Variants in KCNH5 observed in about 807,000 individuals in gnomAD.
KCNH5 encodes voltage-gated delayed rectifier potassium channel KCNH5.
A neutral mutation model predicts 96.1 loss-of-function variants in KCNH5; 46 were observed. The observed-to-expected ratio is 0.48, with a 90% CI of 0.38 to 0.61. KCNH5 has a LOEUF of 0.61. KCNH5 is among the 20% of genes least tolerant of loss of function. KCNH5 has a pLI of 0.00. For missense variants in KCNH5, 907 were observed against 1,225.8 expected (o/e 0.74, Z 3.88); for synonymous variants, 439 against 449.8 (o/e 0.98, Z 0.30).
intron 9 of KCNH5, among the ~76,000 whole-genome samples, chr14:62,790,440 G>A (rs1300775298): frequency 6.6e-6 from 1 of 151,758 alleles, no homozygotes; most frequent in Non-Finnish European, 1.5e-5. Context: ...CTTTAAAAAT[G>A]TCACTGGAAT....
chr14:62,854,627 C>T (rs1887894509), intron 7 of KCNH5, among the ~76,000 whole-genome samples: 1 of 151,936 alleles, frequency 6.6e-6, no homozygotes, highest in African/African-American at 2.4e-5. Context: ...AATCCATGTA[C>T]TTTACTGTTA....
At chr14:62,982,608 A>C (rs890772188) in intron 5 of KCNH5, among the ~76,000 whole-genome samples, 4 of 152,230 alleles carry the variant, frequency 2.6e-5, no homozygotes, top group Non-Finnish European at 5.9e-5. Flanking sequence ...TGTAACTCTG[A>C]GTTATAATAT....
At chr14:62,711,934 C>G (rs1884578080) in intron 10 of KCNH5, among the ~76,000 whole-genome samples, 2 of 152,190 alleles carry the variant, frequency 1.3e-5, no homozygotes, top group African/African-American at 4.8e-5. Context: ...GCTCAAAAGC[C>G]AACACTCTGA....
chr14:62,867,921 C>A (rs1339710224), intron 7 of KCNH5, among the ~76,000 whole-genome samples: 2 of 152,220 alleles, frequency 1.3e-5, no homozygotes, highest in African/African-American at 4.8e-5. Flanking sequence ...ATGCCATGCA[C>A]ATAACCTGCT....
At chr14:62,750,826 G>C (rs1885482235) in intron 10 of KCNH5, among the ~76,000 whole-genome samples, 1 of 152,184 alleles carries the variant, frequency 6.6e-6, no homozygotes, top group African/African-American at 2.4e-5. Flanking sequence ...AGCTGAGGTA[G>C]AAGCTGGTAA....
intron 7 of KCNH5, among the ~76,000 whole-genome samples, chr14:62,899,619 C>T (rs1021232678): frequency 6.6e-6 from 1 of 151,828 alleles, no homozygotes; most frequent in African/African-American, 2.4e-5. Context: ...ATCACGAGGT[C>T]AGGAGATCGA....
intron 8 of KCNH5, among the ~76,000 whole-genome samples, chr14:62,849,420 G>A (rs1056516764): frequency 2.6e-5 from 4 of 152,072 alleles, no homozygotes; most frequent in Non-Finnish European, 4.4e-5. Flanking sequence ...TTATTTTCAC[G>A]AACTGAATTT....
chr14:63,000,501 G>T (rs1225175778), intron 4 of KCNH5, among the ~76,000 whole-genome samples: 1 of 152,174 alleles, frequency 6.6e-6, no homozygotes, highest in Non-Finnish European at 1.5e-5. Flanking sequence ...TAAGACTACA[G>T]TCAGAAGGTT....
Position 62,849,965 on chromosome 14 carries a change from T to C in KCNH5, c.1370-113A>G, listed in dbSNP as rs1203692722. 2.6e-5 allele frequency: 21 copies of C among 811,956 alleles called. 1 individual carries two copies. The allele number at this position is 811,956 out of a possible 1,614,324, so 50.3% of individuals were successfully genotyped here. A position where few individuals can be genotyped will look rare whatever the true frequency, so the allele number is the denominator to read the frequency against. ...AGACATCCTTATAAACTTGCAGGGG[T>C]AAATACATGTTGAACTCTGAGAAGA... On this transcript the variant is annotated intron_variant, in intron 7 of 10. Transcript: ENST00000322893.
chr14:62,709,903 T>A (rs562899617), intron 10 of KCNH5, among the ~76,000 whole-genome samples: 1 of 152,230 alleles, frequency 6.6e-6, no homozygotes, highest in East Asian at 1.9e-4. Flanking sequence ...AATCAGACAA[T>A]TTTATCACTC....
chr14:63,043,283 C>T (rs1254392423), intron 1 of KCNH5, among the ~76,000 whole-genome samples: 1 of 152,072 alleles, frequency 6.6e-6, no homozygotes, highest in Non-Finnish European at 1.5e-5. Flanking sequence ...CTTTATAAAG[C>T]AGAGCAATCG....
intron 10 of KCNH5, among the ~76,000 whole-genome samples, chr14:62,728,657 T>G (rs575033187): frequency 6.6e-6 from 1 of 152,336 alleles, no homozygotes; most frequent in East Asian, 1.9e-4. Context: ...ATATATTCAT[T>G]AGATATGTGA....
At chr14:62,898,309 T>C (rs1301940335) in intron 7 of KCNH5, among the ~76,000 whole-genome samples, 1 of 152,194 alleles carries the variant, frequency 6.6e-6, no homozygotes, top group Admixed American at 6.5e-5. Flanking sequence ...ATAGATTTTG[T>C]TTTAAAGCCT....
At chr14:62,889,007 A>G (rs901605152) in intron 7 of KCNH5, among the ~76,000 whole-genome samples, 5 of 152,324 alleles carry the variant, frequency 3.3e-5, no homozygotes, top group African/African-American at 7.2e-5. Flanking sequence ...CAGCTGCAAC[A>G]TATTCTAATG....
chr14:62,997,089 G>A (rs1020882626), intron 4 of KCNH5, among the ~76,000 whole-genome samples: 1 of 152,136 alleles, frequency 6.6e-6, no homozygotes, highest in African/African-American at 2.4e-5. Flanking sequence ...ATAGGTATAT[G>A]AGATGTTTTG....
At chr14:63,031,963 G>A (rs1472570955) in intron 1 of KCNH5, among the ~76,000 whole-genome samples, 2 of 151,842 alleles carry the variant, frequency 1.3e-5, no homozygotes, top group African/African-American at 2.4e-5. Context: ...CCTTTTTTAT[G>A]CAAATTACCC....
intron 8 of KCNH5, among the ~76,000 whole-genome samples, chr14:62,822,845 C>G (rs747437621): frequency 5.3e-5 from 8 of 151,948 alleles, no homozygotes; most frequent in Non-Finnish European, 7.4e-5. Flanking sequence ...AAATTTAATC[C>G]TTTAAAAAAC....
intron 4 of KCNH5, among the ~76,000 whole-genome samples, chr14:62,987,466 C>T (rs1311028733): frequency 1.3e-5 from 2 of 152,188 alleles, no homozygotes; most frequent in Non-Finnish European, 2.9e-5. Context: ...AAATTCTGTG[C>T]TCCTCCTTGC....
chr14:62,894,802 A>T (rs1324916481), intron 7 of KCNH5, among the ~76,000 whole-genome samples: 3 of 152,226 alleles, frequency 2.0e-5, no homozygotes, highest in Admixed American at 2.0e-4. Context: ...ACTTTCATTA[A>T]ATGCACTGAA....
Sources: allele counts gnomAD v4.1 joint callset (sites outside exome capture counted in the v4.1 genomes callset), GRCh38; gene constraint gnomAD v4.1.1; transcripts MANE v1.5; gene names NCBI Gene and HGNC (gene_info 2026-07-23, HGNC 2026-07-21).